The following PARP6 variants were observed in gnomAD, a reference collection of about 807,000 sequenced individuals.
PARP6 encodes poly(ADP-ribose) polymerase family member 6, also known as protein mono-ADP-ribosyltransferase PARP6.
PARP6 carries 27 observed loss-of-function variants against 92.0 expected under a neutral mutation model. The ratio of observed to expected loss-of-function variants is 0.29; its 90% confidence interval spans 0.22 to 0.40. The LOEUF is 0.40. Among genes scored for constraint, PARP6 ranks in the 10% least tolerant of loss-of-function variants. The pLI, the probability that PARP6 is intolerant of heterozygous loss-of-function variation, is 1.00. For synonymous variants in PARP6, 272 were observed against 281.2 expected, an observed-to-expected ratio of 0.97 and a Z score of 0.33; for missense variants, 501 against 784.5, an observed-to-expected ratio of 0.64 and a Z score of 4.32.
chr15:72,266,040 GGAAA>G (rs2086548711), intron 4 of PARP6, 49 bp from the exon 5 acceptor site: 7 of 1,172,266 alleles, frequency 6.0e-6, no homozygotes, highest in Admixed American at 1.7e-5. Flanking sequence ...AAAAGACGAG[GGAAA>G]GAGAGAGATA....
At chr15:72,251,018 G>A in intron 17 of PARP6, 64 bp from the exon 18 acceptor site, 1 of 1,272,968 alleles carries the variant, frequency 7.9e-7, no homozygotes, top group South Asian at 1.3e-5. Flanking sequence ...GGGAGGGAAG[G>A]GTTGGGGATA....
At chr15:72,253,803 T>A (rs1282627369) in intron 15 of PARP6, 1 of 536,454 alleles carries the variant, frequency 1.9e-6, no homozygotes, top group Non-Finnish European at 3.6e-6. Flanking sequence ...ATAAAATCAA[T>A]GTCCCAAGAA....
rs1301467324 is a variant in PARP6 at position 72,257,455 on chromosome 15, T to TA, written c.907-16dup. ...CAGACAGCTGGCTGAAAGGATATAT[T>TA]AAACAGATGGTGGTGGGATGGGGTG... On this transcript the variant is annotated splice_polypyrimidine_tract_variant and intron_variant, in intron 12 of 23. Transcript: ENST00000569795. The TA allele has an allele frequency of 8.1e-6, 13 of 1,602,568 alleles. No homozygotes were observed. The highest frequency in any genetic ancestry group is 1.1e-5 in the Non-Finnish European group (13 of 1,169,724).
chr15:72,267,595 G>C lies in PARP6; in HGVS notation c.-118C>G. ...GGAGACCACAAAGGGAGACAAGGTA[G>C]GGCACGATGTCAGGGACAACTGGTG... On this transcript the variant is annotated 5_prime_UTR_variant, in exon 3 of 24. Transcript: ENST00000569795. 1.9e-6 allele frequency: 2 copies of C among 1,074,456 alleles called. No homozygotes were observed. The highest frequency in any genetic ancestry group is 2.9e-6 in the Non-Finnish European group (2 of 695,762). 66.6% of individuals were successfully genotyped at this position (1,074,456 alleles called of 1,614,324 possible).
At chr15:72,269,955 G>C (rs540042875) in intron 2 of PARP6, among the ~76,000 whole-genome samples, 1 of 151,286 alleles carries the variant, frequency 6.6e-6, no homozygotes, top group Admixed American at 6.6e-5. Context: ...ATTGGACCCA[G>C]TAATCTGTGT....
rs188839770 is a variant in PARP6 at position 72,251,103 on chromosome 15, G to C, written c.1308+104C>G. ...GGCCCAAAGACTAAGTTGATGGACA[G>C]AGCAATGTAGGCAGATCTAGGACCA... On this transcript the variant is annotated intron_variant, in intron 17 of 23. Transcript: ENST00000569795. The C allele has an allele frequency of 9.1e-5, 90 of 984,960 alleles. No homozygotes were observed. In the African/African-American group the frequency reaches 1.3e-3, roughly 14 times the overall value. The allele number at this position is 984,960 out of a possible 1,614,324, so 61.0% of individuals were successfully genotyped here.
In PARP6 at chr15:72,242,608, T is replaced by C; in HGVS notation, c.1641+12A>G. Reference sequence around the variant, plus strand: ...AGGGAAAGGTCCTGCCTCATTAGAATAGTTCCAATACCTGGGGGATGGTAT... The same window carrying C: ...AGGGAAAGGTCCTGCCTCATTAGAACAGTTCCAATACCTGGGGGATGGTAT... On this transcript the variant is annotated intron_variant, in intron 21 of 23. Transcript: ENST00000569795. The surrounding 1 kb of genome is among the most constrained non-coding windows in gnomAD (Gnocchi z 4.3). The C allele has an allele frequency of 6.4e-7, 1 of 1,565,216 alleles. No homozygotes were observed. Among genetic ancestry groups the C allele is most frequent in the Admixed American group, 1.7e-5 (1 of 59,984 alleles).
chr15:72,253,617 CA>C, intron 15 of PARP6, 113 bp from the exon 16 acceptor site: 1 of 833,526 alleles, frequency 1.2e-6, no homozygotes. Context: ...CCAAAGGCCA[CA>C]CAGAGGAAAA....
chr15:72,251,590 A>T (rs2084364766), intron 16 of PARP6, among the ~76,000 whole-genome samples: 1 of 152,170 alleles, frequency 6.6e-6, no homozygotes, highest in Admixed American at 6.5e-5. Flanking sequence ...CACCTACAAA[A>T]AAAGAAAAGA....
At chr15:72,264,021 C>CA (rs34865114) in intron 8 of PARP6, among the ~76,000 whole-genome samples, 2,729 of 96,292 alleles carry the variant, frequency 0.028, 30 homozygotes, top group East Asian at 0.056. Context: ...ACTCTGTCTC[C>CA]AAAAAAAAAA....
Position 72,266,819 on chromosome 15 carries a change from T to C in PARP6, c.7A>G (p.Ile3Val). The C allele has an allele frequency of 6.2e-7, 1 of 1,612,866 alleles. No individual in the cohort carries two copies. The highest frequency in any genetic ancestry group is 8.5e-7 in the Non-Finnish European group (1 of 1,178,844). The part of the protein sequence containing the change: MD[I>V]KGQFWNDDDS... Reference sequence around the variant, plus strand: ...TCATCATTCCAGAACTGGCCTTTGATGTCCTAGTGGTGAGAAATAAGGATA... The same window carrying C: ...TCATCATTCCAGAACTGGCCTTTGACGTCCTAGTGGTGAGAAATAAGGATA... Residue 3 changes from isoleucine (I) to valine (V), a missense_variant, in exon 4 of 24, where the codon ATC becomes GTC. Ile to Val is a conservative substitution (Grantham distance 29). Coordinates refer to ENST00000569795, the MANE Select transcript of PARP6 (RefSeq NM_001323532.2).
chr15:72,269,083 T>C (rs1167502674), intron 2 of PARP6, among the ~76,000 whole-genome samples: 1 of 152,222 alleles, frequency 6.6e-6, no homozygotes, highest in Non-Finnish European at 1.5e-5. Context: ...AGCAAGTCAC[T>C]GGCTTTGCAC....
intron 12 of PARP6, 120 bp downstream of exon 12, chr15:72,257,917 A>G (rs1247925707): frequency 1.4e-6 from 1 of 713,164 alleles, no homozygotes; most frequent in Non-Finnish European, 2.5e-6. Context: ...AACAATTTCT[A>G]GAGTATCAGG....
At chr15:72,266,849 G>A in intron 3 of PARP6, 27 bp from the exon 4 acceptor site, 2 of 1,534,972 alleles carry the variant, frequency 1.3e-6, no homozygotes, top group Non-Finnish European at 1.8e-6. Flanking sequence ...AGGATATCAT[G>A]CTTTGTTAGG....
intron 20 of PARP6, chr15:72,245,541 G>T (rs1351786837): frequency 6.6e-6 from 1 of 152,186 alleles, no homozygotes; most frequent in Admixed American, 6.5e-5. Context: ...GACCTGGATT[G>T]CAGCCCTATC....
intron 2 of PARP6, among the ~76,000 whole-genome samples, chr15:72,268,694 C>T (rs1318360971): frequency 6.6e-6 from 1 of 152,152 alleles, no homozygotes; most frequent in Non-Finnish European, 1.5e-5. Context: ...GCAAAAACTC[C>T]ATCTCAAAAT....
At chr15:72,250,263 G>A (rs1161516076) in intron 18 of PARP6, 171 bp from the exon 19 acceptor site, 6 of 602,116 alleles carry the variant, frequency 1.0e-5, no homozygotes, top group Admixed American at 2.5e-5. Context: ...ATGTGTGTGT[G>A]TGGTTAAACT....
Position 72,241,375 on chromosome 15 carries a change from C to A in PARP6, c.*80G>T. The A allele has an allele frequency of 8.1e-6, 8 of 987,998 alleles. No homozygotes were observed. Among genetic ancestry groups the A allele is most frequent in the Non-Finnish European group, 1.3e-5 (8 of 618,986 alleles). 61.2% of individuals were successfully genotyped at this position (987,998 alleles called of 1,614,324 possible). ...TGGCCCCTTGATTCCTCAGGGCAGC[C>A]TCAGCTGCTGTACCTGAACACTTTT... On this transcript the variant is annotated 3_prime_UTR_variant, in exon 24 of 24. Transcript: ENST00000569795. This position sits in a 1 kb window ranked among gnomAD's most constrained non-coding sequence, Gnocchi z 4.1.
At chr15:72,248,792 T>C (rs191487443) in intron 20 of PARP6, among the ~76,000 whole-genome samples, 42 of 152,356 alleles carry the variant, frequency 2.8e-4, no homozygotes, top group African/African-American at 8.7e-4. Flanking sequence ...TGTAAGATTA[T>C]AGACAGTTTA....
Sources: allele counts gnomAD v4.1 joint callset (sites outside exome capture counted in the v4.1 genomes callset), GRCh38; gene constraint gnomAD v4.1.1; non-coding constraint Gnocchi (gnomAD v3.1); transcripts MANE v1.5; gene names NCBI Gene and HGNC (gene_info 2026-07-23, HGNC 2026-07-21).